Variants in ZNF737 observed in about 807,000 individuals in gnomAD.
ZNF737 encodes zinc finger protein 102 (Y3).
ZNF737 carries 13 observed loss-of-function variants against 11.7 expected under a neutral mutation model. That is an observed-to-expected ratio of 1.11 (90% CI 0.73 to 1.77). The LOEUF (loss-of-function observed/expected upper bound fraction) is 1.77. Among genes scored for constraint, ZNF737 ranks in the 40% most tolerant of loss-of-function variants. The pLI is 0.00. For synonymous variants in ZNF737, 217 were observed against 216.2 expected (o/e 1.00, Z -0.03); for missense variants, 636 against 638.0 (o/e 1.00, Z 0.03).
downstream of ZNF737, among the ~76,000 whole-genome samples, chr19:20,531,147 A>T (rs1460562855): frequency 2.8e-5 from 4 of 144,644 alleles, no homozygotes; most frequent in African/African-American, 1.0e-4. Context: ...AGAATCAGGC[A>T]GGGAGGTTGC....
At chr19:20,555,808 G>T (rs1455380962) in intron 1 of ZNF737, among the ~76,000 whole-genome samples, 1 of 151,294 alleles carries the variant, frequency 6.6e-6, no homozygotes, top group African/African-American at 2.4e-5. Flanking sequence ...GCTGAGGCAC[G>T]TTTACCTAAA....
At chr19:20,532,213 T>C (rs558368335), downstream of ZNF737, among the ~76,000 whole-genome samples, 13 of 150,140 alleles carry the variant, frequency 8.7e-5, 1 homozygote, top group African/African-American at 2.9e-4. Flanking sequence ...TTAGATAATT[T>C]GATAATTGTA....
downstream of ZNF737, among the ~76,000 whole-genome samples, chr19:20,534,453 A>ATATCTATCTATC (rs59237794): frequency 0.021 from 2,992 of 144,700 alleles, 179 homozygotes; most frequent in East Asian, 0.045. Flanking sequence ...AAAAGAAAAA[A>ATATCTATCTATC]TATCTATCTA....
intron 3 of ZNF737, among the ~76,000 whole-genome samples, chr19:20,550,343 C>T (rs1968617564): frequency 6.6e-6 from 1 of 152,010 alleles, no homozygotes. Context: ...TTACCTGCAG[C>T]AAATTTAAAT....
chr19:20,544,539 T>C lies in ZNF737; in HGVS notation c.*53A>G, dbSNP rs1750492705. 6.5e-7 allele frequency: 1 copy of C among 1,543,312 alleles called. No homozygotes were observed. Among genetic ancestry groups the C allele is most frequent in the African/African-American group, 1.4e-5 (1 of 72,314 alleles). On this transcript the variant is annotated 3_prime_UTR_variant, in exon 4 of 4. Transcript: ENST00000427401. ...AGTTTCCCTCCAATATGAATTTTCTTATGTGAAAAAAGCATAGTGGGATAG... is the reference window on the plus strand; with the variant it reads ...AGTTTCCCTCCAATATGAATTTTCTCATGTGAAAAAAGCATAGTGGGATAG...
Position 20,541,204 on chromosome 19 carries a change from A to C in ZNF737, c.*3388T>G, listed in dbSNP as rs368655486. 6.1e-6 allele frequency: 6 copies of C among 983,110 alleles called. No individual in the cohort carries two copies. In the African/African-American group the frequency reaches 7.0e-5, roughly 11 times the overall value. The allele number at this position is 983,110 out of a possible 1,614,324, so 60.9% of individuals were successfully genotyped here. ...GTTTTGTTAATCACCTAAATAACAT[A>C]ATTTGTTTTGTTGCAGTAATTGCTT... On this transcript the variant is annotated 3_prime_UTR_variant, in exon 4 of 4. Coordinates refer to ENST00000427401, the MANE Select transcript of ZNF737 (RefSeq NM_001159293.2).
intron 3 of ZNF737, among the ~76,000 whole-genome samples, chr19:20,551,930 A>G (rs1172423707): frequency 6.7e-6 from 1 of 149,802 alleles, no homozygotes; most frequent in African/African-American, 2.5e-5. Context: ...TAAAATTTAC[A>G]TGAAAATAAA....
In ZNF737 at chr19:20,539,124, C is replaced by T. The variant is rs1265383087; in HGVS notation, c.*5468G>A. 1 of 373,378 alleles carries T rather than the reference C, an allele frequency of 2.7e-6. No homozygotes were observed. The highest frequency in any genetic ancestry group is 3.9e-5 in the African/African-American group (1 of 25,716). The allele number at this position is 373,378 out of a possible 1,614,324, so 23.1% of individuals were successfully genotyped here. A position where few individuals can be genotyped will look rare whatever the true frequency, so the allele number is the denominator to read the frequency against. On this transcript the variant is annotated 3_prime_UTR_variant, in exon 4 of 4. Coordinates refer to ENST00000427401, the MANE Select transcript of ZNF737 (RefSeq NM_001159293.2). ...AAGCCTGGCTAACATGATGAAATCC[C>T]ATCTCTACTACAAAAATTATCCGGG...
At chr19:20,533,089 C>A (rs1967868542), downstream of ZNF737, among the ~76,000 whole-genome samples, 8 of 149,946 alleles carry the variant, frequency 5.3e-5, no homozygotes, top group Admixed American at 4.6e-4. Context: ...TCATCTCTGA[C>A]CCTACATACA....
chr19:20,556,588 T>C (rs782316823), intron 1 of ZNF737, among the ~76,000 whole-genome samples: 2 of 152,102 alleles, frequency 1.3e-5, no homozygotes, highest in African/African-American at 2.4e-5. Flanking sequence ...TTGCTCCCCA[T>C]TGGCTCATTA....
rs781885465 is a variant in ZNF737 at position 20,545,254 on chromosome 19, C to A, written c.949G>T (p.Glu317Ter). The A allele has an allele frequency of 1.9e-6, 3 of 1,613,786 alleles. No individual in the cohort carries two copies. The highest frequency in any genetic ancestry group is 2.7e-5 in the African/African-American group (2 of 75,014). Residue 317 changes from glutamate to a stop codon, truncating the protein, a stop_gained, in exon 4 of 4, where the codon GAA (glutamate) becomes TAA (stop). Coordinates refer to ENST00000427401, the MANE Select transcript of ZNF737 (RefSeq NM_001159293.2). LOFTEE classifies it low-confidence loss of function (END_TRUNC). ...HSGEKPYKCE[E>*]CGKAFKHPSV... ...GGGTGCTTAAAGGCTTTGCCACATT[C>A]TTCACATTTGTAGGGTTTCTCTCCG...
chr19:20,554,730 C>T (rs1968820301), intron 1 of ZNF737, among the ~76,000 whole-genome samples: 1 of 152,174 alleles, frequency 6.6e-6, no homozygotes, highest in Admixed American at 6.6e-5. Context: ...ATACAGATAA[C>T]TCCTGTGTTC....
chr19:20,551,429 CAAAA>C (rs59406979), intron 3 of ZNF737, among the ~76,000 whole-genome samples: 40 of 102,328 alleles, frequency 3.9e-4, no homozygotes, highest in Non-Finnish European at 6.2e-4. Flanking sequence ...AACCCCATCT[CAAAA>C]AAAAAAAAAA....
At chr19:20,530,487 TGGAGGGGCTCCTCACTTCTCAGATG>T in the ZNF737 span, among the ~76,000 whole-genome samples, 1 of 142,934 alleles carries the variant, frequency 7.0e-6, no homozygotes, top group Non-Finnish European at 1.5e-5. Context: ...GGCAGCCGGG[TGGAGGGGCTCCTCACTTCTCAGATG>T]GGGCGGTTGC....
At chr19:20,558,616 C>T (rs1458083031) in intron 1 of ZNF737, among the ~76,000 whole-genome samples, 1 of 152,150 alleles carries the variant, frequency 6.6e-6, no homozygotes, top group Non-Finnish European at 1.5e-5. Flanking sequence ...AAACTCTCAT[C>T]TGGGTACCAA....
intron 1 of ZNF737, 143 bp downstream of exon 1, chr19:20,565,495 A>T: frequency 7.0e-7 from 1 of 1,431,630 alleles, no homozygotes; most frequent in South Asian, 1.2e-5. Context: ...GCTGAACGGG[A>T]CTGAGGCCGA....
intron 3 of ZNF737, among the ~76,000 whole-genome samples, chr19:20,548,054 A>T (rs1968520348): frequency 1.3e-5 from 2 of 152,070 alleles, no homozygotes; most frequent in Non-Finnish European, 2.9e-5. Flanking sequence ...AGACAGGAGA[A>T]TTGCTTAAAC....
intron 1 of ZNF737, among the ~76,000 whole-genome samples, chr19:20,555,024 G>A (rs113597155): frequency 0.12 from 17,606 of 151,580 alleles, 1,148 homozygotes; most frequent in Middle Eastern, 0.17. Flanking sequence ...CACCACGCCC[G>A]GCTAGTTTTT....
rs1422628254 is a variant in ZNF737, at chr19:20,542,769, A to C, written c.*1823T>G. ...CTTACTATTTTATAGAAAAAGTCAT[A>C]ATGTCCAAATAATGTAAAAAAATCG... On this transcript the variant is annotated 3_prime_UTR_variant, in exon 4 of 4. Coordinates refer to ENST00000427401, the MANE Select transcript of ZNF737 (RefSeq NM_001159293.2). 2.0e-6 allele frequency: 2 copies of C among 985,026 alleles called. No homozygotes were observed. Among genetic ancestry groups the C allele is most frequent in the Non-Finnish European group, 1.2e-6 (1 of 829,714 alleles). 61.0% of individuals were successfully genotyped at this position (985,026 alleles called of 1,614,324 possible).
Sources: gnomAD v4.1 joint callset for allele counts (sites outside exome capture counted in the v4.1 genomes callset) on GRCh38, gnomAD v4.1.1 for gene constraint, MANE v1.5 for transcripts, NCBI Gene and HGNC (gene_info 2026-07-23, HGNC 2026-07-21) for gene names.